CLASP1: variants seen among roughly 807,000 people sequenced by gnomAD.
The protein encoded by CLASP1 is CLIP-associating protein 1.
In CLASP1, 38 loss-of-function variants were observed where a neutral mutation model predicts 192.3. The ratio of observed to expected loss-of-function variants is 0.20; its 90% CI spans 0.15 to 0.26. The LOEUF is 0.26. CLASP1 is among the 10% of genes least tolerant of loss of function. CLASP1 has a pLI of 1.00. For synonymous variants in CLASP1, 691 were observed against 712.8 expected (o/e 0.97, Z 0.49); for missense variants, 1,433 against 1,932.5 (o/e 0.74, Z 4.85).
chr2:121,426,147 A>C (rs1234382512), intron 21 of CLASP1, among the ~76,000 whole-genome samples: 1 of 152,222 alleles, frequency 6.6e-6, no homozygotes, highest in East Asian at 1.9e-4. Flanking sequence ...CCTGTCTCTT[A>C]AAAAAGAACA....
At chr2:121,610,716 G>C (rs574148133) in intron 1 of CLASP1, among the ~76,000 whole-genome samples, 10 of 146,996 alleles carry the variant, frequency 6.8e-5, no homozygotes, top group South Asian at 6.6e-4. Flanking sequence ...AGGAGGAGGA[G>C]GAGTTACAGG....
chr2:121,537,278 G>A (rs1172592999), intron 2 of CLASP1, among the ~76,000 whole-genome samples: 1 of 151,988 alleles, frequency 6.6e-6, no homozygotes, highest in African/African-American at 2.4e-5. Context: ...TGTAGTCTCA[G>A]CTACTCGCAT....
chr2:121,412,195 A>G (rs1170377869), intron 23 of CLASP1, among the ~76,000 whole-genome samples: 1 of 152,218 alleles, frequency 6.6e-6, no homozygotes, highest in Non-Finnish European at 1.5e-5. Flanking sequence ...CCACCACCAC[A>G]GAAATGGAGA....
intron 19 of CLASP1, among the ~76,000 whole-genome samples, chr2:121,434,181 T>C (rs2081939781): frequency 1.3e-5 from 2 of 152,204 alleles, no homozygotes; most frequent in Non-Finnish European, 2.9e-5. Context: ...AGTTTTGGGT[T>C]TTCTTGAAAC....
chr2:121,458,929 C>T lies in CLASP1; in HGVS notation c.1225G>A (p.Ala409Thr), dbSNP rs1381904449. ...AAATTAAAGATAGTTGGCATAATGG[C>T]TTCAGCTCCATGGTCAAACTTATTC... Residue 409 changes from alanine (A) to threonine (T), a missense_variant, in exon 13 of 40, where the codon GCC (alanine) becomes ACC (threonine). This residue lies in a region of CLASP1 where 113 missense variants were observed against 239.5 expected (regional missense o/e 0.47). Coordinates refer to ENST00000263710, the Ensembl canonical transcript of CLASP1. 1.9e-6 allele frequency: 3 copies of T among 1,612,714 alleles called. No individual in the cohort carries two copies. The African/African-American group carries it at 4.0e-5, about 22-fold the overall frequency.
intron 2 of CLASP1, chr2:121,530,967 A>T (rs1203177262): frequency 5.7e-6 from 4 of 700,332 alleles, no homozygotes; most frequent in Non-Finnish European, 7.8e-6. Flanking sequence ...CACCCGCATC[A>T]ACTAGAGCTT....
chr2:121,515,005 C>T (rs2094247690), intron 7 of CLASP1, among the ~76,000 whole-genome samples: 1 of 152,138 alleles, frequency 6.6e-6, no homozygotes, highest in Non-Finnish European at 1.5e-5. Flanking sequence ...ACATTACTTT[C>T]CCCCTTAAAG....
chr2:121,571,740 G>A (rs967581421), intron 2 of CLASP1, among the ~76,000 whole-genome samples: 2 of 152,178 alleles, frequency 1.3e-5, no homozygotes, highest in Non-Finnish European at 2.9e-5. Context: ...AGAGAATGGG[G>A]TGGCAGGAGG....
intron 8 of CLASP1, among the ~76,000 whole-genome samples, chr2:121,479,685 C>T (rs1271954580): frequency 1.3e-5 from 2 of 152,182 alleles, no homozygotes; most frequent in Admixed American, 6.5e-5. Flanking sequence ...CCTTCTCCAT[C>T]AAAGTATGGG....
chr2:121,566,451 T>C (rs2059510799), intron 2 of CLASP1, among the ~76,000 whole-genome samples: 1 of 152,226 alleles, frequency 6.6e-6, no homozygotes, highest in Non-Finnish European at 1.5e-5. Flanking sequence ...TCTCTTGTTT[T>C]TCTTGAAAGA....
chr2:121,441,927 C>A lies in CLASP1; in HGVS notation c.1912+5410G>T, dbSNP rs546306821. Among the ~76,000 whole-genome samples, 342 of 152,010 alleles carry A rather than the reference C, an allele frequency of 2.2e-3. 1 individual carries two copies. Among genetic ancestry groups the A allele is most frequent in the African/African-American group, 6.6e-3 (275 of 41,444 alleles). On this transcript the variant is annotated intron_variant, in intron 19 of 39. Coordinates refer to ENST00000263710, the Ensembl canonical transcript of CLASP1. ...GTAAAATTGTACTAAAATCTAAGTT[C>A]TTTTTCCTGAAGAGAAGACAAGGCT...
At chr2:121,452,628 T>C (rs2085732635) in intron 14 of CLASP1, among the ~76,000 whole-genome samples, 1 of 151,858 alleles carries the variant, frequency 6.6e-6, no homozygotes, top group Non-Finnish European at 1.5e-5. Flanking sequence ...CCATCTCTAC[T>C]AAAAATACAA....
At position 121,466,895 on chromosome 2, in the gene CLASP1, T is replaced by G. The variant is rs567882641; in HGVS notation, c.865+2913A>C. Among the ~76,000 whole-genome samples the G allele has an allele frequency of 2.0e-5, 3 of 152,342 alleles. No individual in the cohort carries two copies. The South Asian group carries it at 6.2e-4, about 32-fold the overall frequency. ...TAGGTAAACGTGTGCCATGGTGGTT[T>G]GCTGCACAGATCATCCCATCACCTA... is the stretch of plus-strand genomic sequence containing the variant. On this transcript the variant is annotated intron_variant, in intron 9 of 39. Coordinates refer to ENST00000263710, the Ensembl canonical transcript of CLASP1.
At chr2:121,633,730 G>T (rs1368366835) in intron 1 of CLASP1, among the ~76,000 whole-genome samples, 3 of 152,130 alleles carry the variant, frequency 2.0e-5, no homozygotes, top group African/African-American at 7.2e-5. Context: ...AACAGGGCCA[G>T]GCACGGTGGC....
intron 2 of CLASP1, among the ~76,000 whole-genome samples, chr2:121,604,122 C>T (rs1163064562): frequency 6.6e-6 from 1 of 152,070 alleles, no homozygotes; most frequent in Non-Finnish European, 1.5e-5. Flanking sequence ...TATTAATTAC[C>T]CTGACCTGAT....
intron 16 of CLASP1, 52 bp from the exon 17 acceptor site, chr2:121,449,172 T>C (rs1032941261): frequency 3.3e-6 from 5 of 1,537,390 alleles, no homozygotes; most frequent in African/African-American, 1.4e-5. Flanking sequence ...AAACAGGTCT[T>C]TTGCTGAACT....
intron 30 of CLASP1, 142 bp downstream of exon 31, chr2:121,396,998 C>A: frequency 1.4e-6 from 1 of 726,834 alleles, no homozygotes; most frequent in South Asian, 1.8e-5. Context: ...CTGGGCAGAG[C>A]TGGAGAGAGA....
At position 121,530,336 on chromosome 2, in the gene CLASP1, A is replaced by C. The variant is rs1199710660; in HGVS notation, c.196-11T>G. ...GCCCAGCAGAACCACCTGCAGCGGGAAACACCGGGAGCCTGTTAGCAGCCG... is the reference window on the plus strand; with the variant it reads ...GCCCAGCAGAACCACCTGCAGCGGGCAACACCGGGAGCCTGTTAGCAGCCG... On this transcript the variant is annotated splice_polypyrimidine_tract_variant and intron_variant, in intron 2 of 39. Coordinates refer to ENST00000263710, the Ensembl canonical transcript of CLASP1. The C allele has an allele frequency of 3.2e-6, 5 of 1,547,166 alleles. No individual in the cohort carries two copies. The highest frequency in any genetic ancestry group is 4.4e-6 in the Non-Finnish European group (5 of 1,144,418).
chr2:121,432,379 A>G (rs1287842375), intron 19 of CLASP1, among the ~76,000 whole-genome samples: 2 of 152,132 alleles, frequency 1.3e-5, no homozygotes, highest in South Asian at 2.1e-4. Flanking sequence ...CTGGCCTCCT[A>G]AAGTTCTGGG....
Sources: gnomAD v4.1 joint callset for allele counts (sites outside exome capture counted in the v4.1 genomes callset) on GRCh38, gnomAD v4.1.1 for gene constraint, gnomAD v4.1.1 regional missense constraint, MANE v1.5 for transcripts, NCBI Gene and HGNC (gene_info 2026-07-23, HGNC 2026-07-21) for gene names.